The following RAD21 variants were observed in gnomAD, a reference collection of about 807,000 sequenced individuals.
RAD21 encodes the protein double-strand-break repair protein rad21 homolog.
In RAD21, 18 loss-of-function variants were observed where a neutral mutation model predicts 71.5. The observed-to-expected ratio is 0.25, with a 90% CI of 0.17 to 0.37. RAD21 has a LOEUF of 0.37. Among genes scored for constraint, RAD21 ranks in the 10% least tolerant of loss-of-function variants. The pLI, the probability that RAD21 is intolerant of heterozygous loss-of-function variation, is 1.00. For missense variants in RAD21, 493 were observed against 769.1 expected (o/e 0.64, Z 4.25); for synonymous variants, 248 against 254.0 (o/e 0.98, Z 0.22).
chr8:116,866,768 G>A lies in RAD21; in HGVS notation c.-32-7C>T. ...TATGAAAACAGAAGAAAACCTAAGA[G>A]GGGAAAAAAAAGTTAATGTAAACAT... On this transcript the variant is annotated splice_polypyrimidine_tract_variant and splice_region_variant and intron_variant, in intron 1 of 13. Transcript: ENST00000297338. 1.3e-6 allele frequency: 2 copies of A among 1,520,328 alleles called. No homozygotes were observed. 94.2% of individuals were successfully genotyped at this position (1,520,328 alleles called of 1,614,324 possible). A position where few individuals can be genotyped will look rare whatever the true frequency, so the allele number is the denominator to read the frequency against.
rs1812261733 is a variant in RAD21, at chr8:116,846,855, TGA to T, written c.*643_*644del. The stretch of plus-strand genomic sequence containing the variant: ...GTTCATCAGAAAGACTCAAATGGAA[TGA>T]TTTACAAAATAGAACACTTTAAACC... On this transcript the variant is annotated 3_prime_UTR_variant, in exon 14 of 14. Coordinates refer to ENST00000297338, the MANE Select transcript of RAD21 (RefSeq NM_006265.3). 1 of 218,038 alleles carries T rather than the reference TGA, an allele frequency of 4.6e-6. No individual in the cohort carries two copies. Among genetic ancestry groups the T allele is most frequent in the Non-Finnish European group, 9.2e-6 (1 of 108,568 alleles). The allele number at this position is 218,038 out of a possible 1,614,324, so 13.5% of individuals were successfully genotyped here.
chr8:116,852,685 C>T lies in RAD21; in HGVS notation c.1185G>A (p.Pro395=), dbSNP rs138247094. The T allele has an allele frequency of 4.3e-4, 681 of 1,581,750 alleles. 1 individual carries two copies. The highest frequency in any genetic ancestry group is 5.1e-4 in the Non-Finnish European group (592 of 1,167,156). Residue 395 remains proline (P), a synonymous_variant, in exon 10 of 14, where the codon CCG becomes CCA. Coordinates refer to ENST00000297338, the MANE Select transcript of RAD21 (RefSeq NM_006265.3). ...TTTTTCTAAGGTCTTCTGGTACAAG[C>T]GGTGTAAGACAGCGTGTAAAGAGCT... ...LLKLFTRCLT[P]LVPEDLRKRR...
At position 116,857,463 on chromosome 8, in the gene RAD21, T is replaced by G. The variant is rs1812492607; in HGVS notation, c.492A>C (p.Gly164=). ...CTCTCATTATCTCACGATCATCCAT[T>G]CCAAAATCACCTAAACAAATTTTAA... ...ILQENDFGDF[G]MDDREIMREG... Residue 164 remains glycine (G), a synonymous_variant, in exon 6 of 14, where the codon GGA becomes GGC. Transcript: ENST00000297338. 6.2e-7 allele frequency: 1 copy of G among 1,612,748 alleles called. No homozygotes were observed. The highest frequency in any genetic ancestry group is 2.2e-5 in the East Asian group (1 of 44,800).
chr8:116,848,104 ACTT>A (rs1812281363), intron 13 of RAD21, among the ~76,000 whole-genome samples: 1 of 152,196 alleles, frequency 6.6e-6, no homozygotes, highest in Admixed American at 6.5e-5. Context: ...AGCCAAATAA[ACTT>A]CTTTATAAAT....
intron 4 of RAD21, among the ~76,000 whole-genome samples, chr8:116,860,729 G>C (rs3020123): frequency 0.026 from 3,931 of 152,154 alleles, 185 homozygotes; most frequent in East Asian, 0.21. Context: ...TTGCTTTACT[G>C]TGGTGGAACC....
At chr8:116,868,824 T>C (rs1812750733) in intron 1 of RAD21, among the ~76,000 whole-genome samples, 1 of 151,300 alleles carries the variant, frequency 6.6e-6, no homozygotes, top group South Asian at 2.1e-4. Flanking sequence ...TTTTTTTTTT[T>C]ACAAAGATGC....
chr8:116,861,956 T>G lies in RAD21; in HGVS notation c.275-16A>C, dbSNP rs1290411119. On this transcript the variant is annotated splice_polypyrimidine_tract_variant and intron_variant, in intron 3 of 13. Coordinates refer to ENST00000297338, the MANE Select transcript of RAD21 (RefSeq NM_006265.3). ...TCAACCACACCTAGAAAAGAAATGCTAAGCTTAAATATCTAGCTACCCATA... is the reference window on the plus strand; with the variant it reads ...TCAACCACACCTAGAAAAGAAATGCGAAGCTTAAATATCTAGCTACCCATA... The G allele has an allele frequency of 1.3e-6, 2 of 1,562,216 alleles. No homozygotes were observed. Among genetic ancestry groups the G allele is most frequent in the East Asian group, 2.2e-5 (1 of 44,534 alleles).
In RAD21 at chr8:116,846,002, A is replaced by G. The variant is rs1314824118; in HGVS notation, c.*1498T>C. 13 of 230,010 alleles carry G rather than the reference A, an allele frequency of 5.7e-5. No homozygotes were observed. The highest frequency in any genetic ancestry group is 8.6e-5 in the Non-Finnish European group (10 of 115,900). 14.2% of individuals were successfully genotyped at this position (230,010 alleles called of 1,614,324 possible). A position where few individuals can be genotyped will look rare whatever the true frequency, so the allele number is the denominator to read the frequency against. ...ATAGCATCAACTATTTTCAAGAACAATATTAAACCCGATAAGCAACAAAAA... is the reference window on the plus strand; with the variant it reads ...ATAGCATCAACTATTTTCAAGAACAGTATTAAACCCGATAAGCAACAAAAA... On this transcript the variant is annotated 3_prime_UTR_variant, in exon 14 of 14. Coordinates refer to ENST00000297338, the MANE Select transcript of RAD21 (RefSeq NM_006265.3).
At chr8:116,855,259 T>C (rs1240832554) in intron 8 of RAD21, among the ~76,000 whole-genome samples, 1 of 152,196 alleles carries the variant, frequency 6.6e-6, no homozygotes, top group African/African-American at 2.4e-5. Flanking sequence ...AAGGGTAATC[T>C]TGCTCTACTT....
intron 8 of RAD21, among the ~76,000 whole-genome samples, chr8:116,855,446 AACT>A (rs1379999445): frequency 2.0e-5 from 3 of 152,214 alleles, no homozygotes; most frequent in African/African-American, 7.2e-5. Flanking sequence ...TACTTAAAAA[AACT>A]ACAAGAAAAA....
chr8:116,874,604 C>G lies in RAD21; in HGVS notation c.-33+7G>C. On this transcript the variant is annotated splice_region_variant and intron_variant, in intron 1 of 13. Coordinates refer to ENST00000297338, the MANE Select transcript of RAD21 (RefSeq NM_006265.3). ...GAGGAAAAGAAGGGGTCGGCCGAGT[C>G]TCTTACCTTGCTCTCCGCTGGGAGT... is the stretch of plus-strand genomic sequence containing the variant. 2.8e-6 allele frequency: 1 copy of G among 351,144 alleles called. No individual in the cohort carries two copies. Among genetic ancestry groups the G allele is most frequent in the Non-Finnish European group, 5.5e-6 (1 of 180,252 alleles). The allele number at this position is 351,144 out of a possible 1,614,324, so 21.8% of individuals were successfully genotyped here.
intron 1 of RAD21, among the ~76,000 whole-genome samples, chr8:116,871,932 C>T (rs1242234784): frequency 1.3e-5 from 2 of 152,100 alleles, no homozygotes; most frequent in African/African-American, 4.8e-5. Flanking sequence ...ACAGAACATT[C>T]GAAATAACCT....
In RAD21 at chr8:116,861,852, C is replaced by G. The variant is rs959964243; in HGVS notation, c.363G>C (p.Leu121=). 6 of 1,608,930 alleles carry G rather than the reference C, an allele frequency of 3.7e-6. No individual in the cohort carries two copies. The Admixed American group carries it at 5.0e-5, about 13-fold the overall frequency. Residue 121 remains leucine (L), a synonymous_variant, in exon 4 of 14, where the codon CTG becomes CTC. Transcript: ENST00000297338. The part of the protein sequence containing the change: ...PEEFHDFDQP[L]PDLDDIDVAQ... ...AAGAAGACACATACTCTAAGTCAGG[C>G]AGTGGCTGATCAAAGTCATGAAATT... is the stretch of plus-strand genomic sequence containing the variant.
At chr8:116,860,153 A>C (rs975813240) in intron 4 of RAD21, among the ~76,000 whole-genome samples, 2 of 152,176 alleles carry the variant, frequency 1.3e-5, no homozygotes, top group African/African-American at 4.8e-5. Context: ...AAATTGATGC[A>C]ATCTTGGAAT....
chr8:116,866,011 C>A (rs531595316), intron 2 of RAD21, among the ~76,000 whole-genome samples: 1 of 152,128 alleles, frequency 6.6e-6, no homozygotes, highest in African/African-American at 2.4e-5. Context: ...TTAGTTTGTA[C>A]AAATGTAAAT....
chr8:116,860,148 G>A (rs1812559479), intron 4 of RAD21, among the ~76,000 whole-genome samples: 1 of 152,158 alleles, frequency 6.6e-6, no homozygotes. Context: ...TAACTAAATT[G>A]ATGCAATCTT....
At chr8:116,869,246 CTTAAAACTTCAG>C (rs1402756290) in intron 1 of RAD21, among the ~76,000 whole-genome samples, 1 of 152,026 alleles carries the variant, frequency 6.6e-6, no homozygotes, top group African/African-American at 2.4e-5. Flanking sequence ...GTAAAGAATT[CTTAAAACTTCAG>C]GGGTAAGAAG....
In RAD21 at chr8:116,860,173, A is replaced by T. The variant is rs547428966; in HGVS notation, c.374+1668T>A. Among the ~76,000 whole-genome samples the T allele has an allele frequency of 4.6e-5, 7 of 152,304 alleles. No individual in the cohort carries two copies. In the East Asian group the frequency reaches 5.8e-4, roughly 13 times the overall value. ...GATGCAATCTTGGAATAAAACTTTA[A>T]CAAATGAGGAGTTACTTCTTATGGA... On this transcript the variant is annotated intron_variant, in intron 4 of 13. Coordinates refer to ENST00000297338, the MANE Select transcript of RAD21 (RefSeq NM_006265.3).
chr8:116,852,366 A>T, intron 10 of RAD21, 183 bp downstream of exon 10: 1 of 724,410 alleles, frequency 1.4e-6, no homozygotes, highest in Non-Finnish European at 2.1e-6. Context: ...TCTGAACCTT[A>T]AAACTCTGGA....
Sources: allele counts gnomAD v4.1 joint callset (sites outside exome capture counted in the v4.1 genomes callset), GRCh38; gene constraint gnomAD v4.1.1; transcripts MANE v1.5; gene names NCBI Gene and HGNC (gene_info 2026-07-23, HGNC 2026-07-21).